The following RIC1 variants were observed in gnomAD, a reference collection of about 807,000 sequenced individuals.
RIC1 encodes the protein guanine nucleotide exchange factor subunit RIC1.
In RIC1, 88 loss-of-function variants were observed where a neutral mutation model predicts 169.0. The ratio of observed to expected loss-of-function variants is 0.52; its 90% CI spans 0.44 to 0.62. The LOEUF is 0.62. Ranked by LOEUF, RIC1 falls within the 20% of genes least tolerant of loss-of-function variation. RIC1 has a pLI of 0.00. For synonymous variants in RIC1, 790 were observed against 601.5 expected (o/e 1.31, Z -4.59); for missense variants, 1,877 against 1,725.5 (o/e 1.09, Z -1.56).
intron 2 of RIC1, among the ~76,000 whole-genome samples, chr9:5,681,130 T>C (rs553817232): frequency 2.5e-4 from 38 of 152,284 alleles, no homozygotes; most frequent in African/African-American, 8.9e-4. Flanking sequence ...CCGGCCGATT[T>C]TTTTTAAGGT....
At chr9:5,760,979 T>C (rs778687767) in intron 17 of RIC1, among the ~76,000 whole-genome samples, 3 of 152,146 alleles carry the variant, frequency 2.0e-5, no homozygotes, top group Non-Finnish European at 1.5e-5. Context: ...ATAGCATGTA[T>C]AGCATTGTGC....
At chr9:5,678,850 T>A (rs1333113802) in intron 2 of RIC1, among the ~76,000 whole-genome samples, 1 of 152,168 alleles carries the variant, frequency 6.6e-6, no homozygotes, top group Non-Finnish European at 1.5e-5. Flanking sequence ...TTAGTTGAAT[T>A]AGATCCCATT....
intron 2 of RIC1, among the ~76,000 whole-genome samples, chr9:5,670,662 T>C (rs1289195244): frequency 6.6e-6 from 1 of 152,222 alleles, no homozygotes; most frequent in African/African-American, 2.4e-5. Flanking sequence ...GATATATCCA[T>C]TAAAACTATT....
intron 6 of RIC1, among the ~76,000 whole-genome samples, chr9:5,726,660 A>G (rs1210114009): frequency 6.6e-6 from 1 of 152,190 alleles, no homozygotes; most frequent in Admixed American, 6.5e-5. Context: ...GATGGTCTTT[A>G]CAATTTGGCA....
intron 1 of RIC1, among the ~76,000 whole-genome samples, chr9:5,655,858 C>T (rs1240826667): frequency 6.6e-6 from 1 of 151,420 alleles, no homozygotes; most frequent in Non-Finnish European, 1.5e-5. Context: ...AGATGTTGAT[C>T]TGTAGTGTTT....
intron 3 of RIC1, among the ~76,000 whole-genome samples, chr9:5,695,696 GAGT>G (rs1258932730): frequency 1.3e-5 from 2 of 150,484 alleles, no homozygotes; most frequent in African/African-American, 2.5e-5. Flanking sequence ...TCTCAATCCT[GAGT>G]AGCTGGGACT....
intron 6 of RIC1, among the ~76,000 whole-genome samples, chr9:5,729,441 A>T (rs1430958297): frequency 6.6e-6 from 1 of 152,080 alleles, no homozygotes; most frequent in Non-Finnish European, 1.5e-5. Flanking sequence ...CTACAACTTA[A>T]ATTTAGACGT....
chr9:5,734,237 G>C (rs1029983972), intron 7 of RIC1, among the ~76,000 whole-genome samples: 2 of 151,782 alleles, frequency 1.3e-5, no homozygotes, highest in Non-Finnish European at 2.9e-5. Context: ...ATCCTGAGTA[G>C]CTCGGATTGC....
At chr9:5,650,710 A>G (rs781034199) in intron 1 of RIC1, among the ~76,000 whole-genome samples, 3 of 152,106 alleles carry the variant, frequency 2.0e-5, no homozygotes, top group Non-Finnish European at 4.4e-5. Flanking sequence ...ACCCCAGGCT[A>G]GCAGGGTTTA....
At position 5,775,932 on chromosome 9, in the gene RIC1, G is replaced by C. The variant is rs1827557983; in HGVS notation, c.*1686G>C. ...CTTAAAGATAATGTTTTGCATGTGAGTACATGCAGCCCAGCAAGAAACTAA... is the reference window on the plus strand; with the variant it reads ...CTTAAAGATAATGTTTTGCATGTGACTACATGCAGCCCAGCAAGAAACTAA... On this transcript the variant is annotated 3_prime_UTR_variant, in exon 26 of 26. Coordinates refer to ENST00000414202, the MANE Select transcript of RIC1 (RefSeq NM_020829.4). 6.6e-6 allele frequency: 1 copy of C among 152,090 alleles called. No homozygotes were observed. The highest frequency in any genetic ancestry group is 2.1e-4 in the South Asian group (1 of 4,830). The allele number at this position is 152,090 out of a possible 1,614,324, so 9.4% of individuals were successfully genotyped here.
Position 5,754,859 on chromosome 9 carries a change from A to T in RIC1, c.1621A>T (p.Thr541Ser). 1.9e-6 allele frequency: 3 copies of T among 1,569,804 alleles called. No individual in the cohort carries two copies. Among genetic ancestry groups the T allele is most frequent in the Non-Finnish European group, 2.6e-6 (3 of 1,151,368 alleles). ...NITQEQNMIV[T>S]GGLAWWNDFM... ...TTTTAAGGAGCAAAATATGATCGTGACAGGTGGCTTAGCCTGGTGGAATGA... is the reference window on the plus strand; with the variant it reads ...TTTTAAGGAGCAAAATATGATCGTGTCAGGTGGCTTAGCCTGGTGGAATGA... Residue 541 changes from threonine (T) to serine (S), a missense_variant, in exon 15 of 26, where the codon ACA becomes TCA. Physicochemically the swap from Thr to Ser is moderately conservative, Grantham distance 58. This residue lies in a region of RIC1 where 1,104 missense variants were observed against 992.0 expected (regional missense o/e 1.11). Transcript: ENST00000414202.
At chr9:5,681,169 T>C (rs1202800701) in intron 2 of RIC1, among the ~76,000 whole-genome samples, 2 of 152,200 alleles carry the variant, frequency 1.3e-5, no homozygotes, top group African/African-American at 4.8e-5. Context: ...CCTTCAGTTC[T>C]GCTCTGATCT....
At chr9:5,666,778 T>C (rs1251524499) in intron 2 of RIC1, among the ~76,000 whole-genome samples, 1 of 148,308 alleles carries the variant, frequency 6.7e-6, no homozygotes, top group Non-Finnish European at 1.5e-5. Context: ...TTTGCATCTG[T>C]ATTCACACAA....
rs202011756 is a variant in RIC1, at chr9:5,720,761, T to C, written c.720+11T>C. 2.7e-3 allele frequency: 4,211 copies of C among 1,579,490 alleles called. 8 individuals are homozygous for C. The highest frequency in any genetic ancestry group is 3.3e-3 in the Non-Finnish European group (3,892 of 1,167,866). On this transcript the variant is annotated intron_variant, in intron 6 of 25. Transcript: ENST00000414202. ...AGATTTACTGCAGAGGTATGACTTATTTACTTTGAAGGGTTTTTTGTTATT... is the reference window on the plus strand; with the variant it reads ...AGATTTACTGCAGAGGTATGACTTACTTACTTTGAAGGGTTTTTTGTTATT...
chr9:5,770,847 C>T (rs991520945), intron 23 of RIC1, among the ~76,000 whole-genome samples: 4 of 152,172 alleles, frequency 2.6e-5, no homozygotes, highest in African/African-American at 4.8e-5. Context: ...CCAACCTCTG[C>T]TCTGTAGTAA....
intron 1 of RIC1, among the ~76,000 whole-genome samples, chr9:5,647,980 G>GTGGTGGTGA (rs1554658190): frequency 0.081 from 10,139 of 125,084 alleles, 454 homozygotes; most frequent in East Asian, 0.26. Context: ...GGTGATGGTG[G>GTGGTGGTGA]TGGTGGTGGT....
In RIC1 at chr9:5,672,288, C is replaced by G. The variant is rs189361221; in HGVS notation, c.252+15598C>G. Among the ~76,000 whole-genome samples, 22 of 152,196 alleles carry G rather than the reference C, an allele frequency of 1.4e-4. No individual in the cohort carries two copies. In the East Asian group the frequency reaches 2.7e-3, roughly 19 times the overall value. On this transcript the variant is annotated intron_variant, in intron 2 of 25. Coordinates refer to ENST00000414202, the MANE Select transcript of RIC1 (RefSeq NM_020829.4). ...AGCTCATTAACTTTACGATGTAAGACCAAACTAAACAAGTAAAATATGTGG... is the reference window on the plus strand; with the variant it reads ...AGCTCATTAACTTTACGATGTAAGAGCAAACTAAACAAGTAAAATATGTGG...
chr9:5,744,224 C>T (rs1432511387), intron 10 of RIC1, among the ~76,000 whole-genome samples: 1 of 151,956 alleles, frequency 6.6e-6, no homozygotes, highest in Admixed American at 6.6e-5. Flanking sequence ...TCAGATGAGG[C>T]CTTTTTTGTA....
chr9:5,631,448 C>G (rs1817710832), intron 1 of RIC1, among the ~76,000 whole-genome samples: 1 of 151,912 alleles, frequency 6.6e-6, no homozygotes, highest in Non-Finnish European at 1.5e-5. Context: ...TTTGTTGTCA[C>G]TGAAAAAAAT....
Sources: allele counts gnomAD v4.1 joint callset (sites outside exome capture counted in the v4.1 genomes callset), GRCh38; gene constraint gnomAD v4.1.1; regional missense constraint gnomAD v4.1.1; transcripts MANE v1.5; gene names NCBI Gene and HGNC (gene_info 2026-07-23, HGNC 2026-07-21).